Variants in ARFGEF2 observed in about 807,000 individuals in gnomAD.
ARFGEF2 encodes the protein ARF guanine nucleotide exchange factor 2, also known as brefeldin A-inhibited guanine nucleotide-exchange protein 2.
Under a neutral mutation model 219.9 loss-of-function variants are expected in ARFGEF2, and 74 were observed. That is an observed-to-expected ratio of 0.34 (90% CI 0.28 to 0.41). The LOEUF is 0.41. Ranked by LOEUF, ARFGEF2 falls within the 10% of genes least tolerant of loss-of-function variation. The probability of loss-of-function intolerance (pLI) is 1.00; values close to 1 mark genes in which losing one functional copy is unlikely to be tolerated. For missense variants in ARFGEF2, 1,743 were observed against 2,218.3 expected (o/e 0.79, Z 4.30); for synonymous variants, 733 against 799.2 (o/e 0.92, Z 1.40).
chr20:48,992,601 A>G (rs2091363219), intron 21 of ARFGEF2, among the ~76,000 whole-genome samples: 1 of 152,228 alleles, frequency 6.6e-6, no homozygotes, highest in South Asian at 2.1e-4. Context: ...CAGGGTGGTT[A>G]TGAAAATGAA....
intron 23 of ARFGEF2, among the ~76,000 whole-genome samples, chr20:48,997,456 A>G (rs1248757591): frequency 1.3e-5 from 2 of 152,148 alleles, no homozygotes; most frequent in Non-Finnish European, 2.9e-5. Context: ...TATTTTTAGT[A>G]GAGACAGGGT....
intron 21 of ARFGEF2, among the ~76,000 whole-genome samples, chr20:48,992,879 TA>T (rs931218012): frequency 1.9e-4 from 28 of 151,154 alleles, no homozygotes; most frequent in African/African-American, 5.8e-4. Flanking sequence ...CCCATATCTT[TA>T]AAAAAAAATT....
intron 5 of ARFGEF2, among the ~76,000 whole-genome samples, 174 bp from the exon 6 acceptor site, chr20:48,953,382 C>T (rs1271344727): frequency 6.6e-6 from 1 of 151,896 alleles, no homozygotes; most frequent in Non-Finnish European, 1.5e-5. Context: ...CACCATGTTG[C>T]CCAGGTTGGT....
At chr20:48,941,801 G>A in intron 2 of ARFGEF2, 63 bp from the exon 3 acceptor site, 1 of 1,611,774 alleles carries the variant, frequency 6.2e-7, no homozygotes, top group South Asian at 1.1e-5. Context: ...GATGGAATGG[G>A]AAGTTAGAGT....
At chr20:48,969,477 A>C (rs1000005486) in intron 9 of ARFGEF2, among the ~76,000 whole-genome samples, 200 bp downstream of exon 9, 4 of 152,196 alleles carry the variant, frequency 2.6e-5, no homozygotes, top group Non-Finnish European at 5.9e-5. Context: ...TATCCCCACC[A>C]ACCAAGATTT....
intron 36 of ARFGEF2, among the ~76,000 whole-genome samples, chr20:49,026,870 G>T (rs1323694701): frequency 7.9e-5 from 12 of 152,142 alleles, no homozygotes; most frequent in African/African-American, 2.9e-4. Flanking sequence ...ACAGGCATGA[G>T]CCACTGCACC....
chr20:48,988,687 C>A (rs772289018), intron 18 of ARFGEF2, 25 bp downstream of exon 18: 1 of 1,606,586 alleles, frequency 6.2e-7, no homozygotes, highest in Non-Finnish European at 8.5e-7. Flanking sequence ...CAAATTATTT[C>A]TTTTAGTTCT....
chr20:48,965,995 G>A lies in ARFGEF2; in HGVS notation c.1031G>A (p.Arg344Lys), dbSNP rs927935633. 2.5e-6 allele frequency: 4 copies of A among 1,614,014 alleles called. No homozygotes were observed. In the African/African-American group the frequency reaches 5.3e-5, roughly 22 times the overall value. Residue 344 changes from arginine to lysine, a missense_variant, in exon 8 of 39, where the codon AGG (arginine) becomes AAG (lysine). Physicochemically the swap from Arg to Lys is conservative, Grantham distance 26. Around this residue, in one of 5 missense-constraint regions of ARFGEF2, gnomAD observed 394 missense variants for 426.6 expected, o/e 0.92. Coordinates refer to ENST00000371917, the MANE Select transcript of ARFGEF2 (RefSeq NM_006420.3). ...NSQTNGIADD[R>K]QSLSSADNLE... The stretch of plus-strand genomic sequence containing the variant: ...CAGACCAACGGGATAGCCGATGACA[G>A]GCAGTCCTTGTCGTCAGCAGATAAT...
Position 48,960,292 on chromosome 20 carries a change from G to T in ARFGEF2, c.839-3538G>T, listed in dbSNP as rs572685667. Among the ~76,000 whole-genome samples the T allele has an allele frequency of 2.6e-5, 4 of 152,226 alleles. No homozygotes were observed. The South Asian group carries it at 8.3e-4, about 32-fold the overall frequency. ...GTATTTGAAAAAGTACAGTCACAAT[G>T]CAGTACAAAAGATAAAAACTGATAT... On this transcript the variant is annotated intron_variant, in intron 6 of 38. Transcript: ENST00000371917.
intron 3 of ARFGEF2, among the ~76,000 whole-genome samples, chr20:48,944,836 A>AAT (rs527322184): frequency 1.4e-3 from 215 of 152,258 alleles, no homozygotes; most frequent in Middle Eastern, 6.8e-3. Flanking sequence ...CCATGAGCCA[A>AAT]ATCTGGCCTA....
chr20:49,023,752 A>C (rs1188770180), intron 35 of ARFGEF2, among the ~76,000 whole-genome samples: 1 of 150,804 alleles, frequency 6.6e-6, no homozygotes, highest in Non-Finnish European at 1.5e-5. Flanking sequence ...GTTAGCCAGG[A>C]TGGTCTCGAT....
intron 6 of ARFGEF2, among the ~76,000 whole-genome samples, chr20:48,960,047 A>G (rs760720454): frequency 7.6e-4 from 116 of 152,352 alleles, no homozygotes; most frequent in South Asian, 3.5e-3. Context: ...ATTGCTTAAC[A>G]ACAGGGATAC....
At chr20:49,020,647 T>C (rs769354693) in intron 34 of ARFGEF2, among the ~76,000 whole-genome samples, 9 of 152,194 alleles carry the variant, frequency 5.9e-5, no homozygotes, top group Non-Finnish European at 1.2e-4. Flanking sequence ...GGTCTCACTT[T>C]GTTGCCCAGG....
chr20:48,955,615 A>G lies in ARFGEF2; in HGVS notation c.838+1825A>G, dbSNP rs374478730. ...AGTAACTTGAAGTTCTGCTCTAACA[A>G]AGAGAAAATAATTTGCTGTTAGCAT... is the stretch of plus-strand genomic sequence containing the variant. On this transcript the variant is annotated intron_variant, in intron 6 of 38. Transcript: ENST00000371917. Among the ~76,000 whole-genome samples, 16 of 152,312 alleles carry G rather than the reference A, an allele frequency of 1.1e-4. 1 individual carries two copies. Among genetic ancestry groups the G allele is most frequent in the South Asian group, 8.3e-4 (4 of 4,830 alleles).
chr20:48,982,381 C>T (rs1340359857), intron 14 of ARFGEF2, among the ~76,000 whole-genome samples: 1 of 152,154 alleles, frequency 6.6e-6, no homozygotes, highest in Admixed American at 6.5e-5. Context: ...GAAGCATCGT[C>T]CCAGAGGGGC....
intron 6 of ARFGEF2, among the ~76,000 whole-genome samples, chr20:48,960,649 A>G (rs1443259070): frequency 6.6e-6 from 1 of 151,386 alleles, no homozygotes; most frequent in Non-Finnish European, 1.5e-5. Context: ...ACACCTGGCT[A>G]ATTTTTGTAT....
rs1179998104 is a variant in ARFGEF2, at chr20:49,035,891, C to G, written c.*2692C>G. 3.1e-6 allele frequency: 1 copy of G among 325,312 alleles called. No individual in the cohort carries two copies. Among genetic ancestry groups the G allele is most frequent in the Admixed American group, 4.9e-5 (1 of 20,566 alleles). 20.2% of individuals were successfully genotyped at this position (325,312 alleles called of 1,614,324 possible). On this transcript the variant is annotated 3_prime_UTR_variant, in exon 39 of 39. Transcript: ENST00000371917. ...CTTTAGAGTCAAATATATCTTTTCC[C>G]TGTACTCCTCATGTACAACCAAAGA...
chr20:48,989,309 G>A lies in ARFGEF2; in HGVS notation c.2558G>A (p.Arg853Gln), dbSNP rs141183045. ...GATGTAGCTAGTGAAAAGCAGCGGC[G>A]GCTGCTGTACAACTTAGAGATGGAG... ...KQNVASEKQRRLLYNLEMEQM... is the reference protein window; with the variant it reads ...KQNVASEKQRQLLYNLEMEQM... Residue 853 changes from arginine to glutamine, a missense_variant, in exon 19 of 39, where the codon CGG becomes CAG. By Grantham distance (43) the Arg-to-Gln change is conservative. Around this residue, in one of 5 missense-constraint regions of ARFGEF2, gnomAD observed 666 missense variants for 955.4 expected, o/e 0.70. Transcript: ENST00000371917. 127 of 1,613,990 alleles carry A rather than the reference G, an allele frequency of 7.9e-5. No homozygotes were observed. The highest frequency in any genetic ancestry group is 9.7e-5 in the Non-Finnish European group (114 of 1,179,994).
At chr20:48,941,734 C>G (rs1482511771) in intron 2 of ARFGEF2, 130 bp from the exon 3 acceptor site, 17 of 1,407,748 alleles carry the variant, frequency 1.2e-5, no homozygotes, top group Non-Finnish European at 1.6e-5. Context: ...ATGTATTCAA[C>G]TTTTAATGCC....
Sources: gnomAD v4.1 joint callset for allele counts (sites outside exome capture counted in the v4.1 genomes callset) on GRCh38, gnomAD v4.1.1 for gene constraint, gnomAD v4.1.1 regional missense constraint, MANE v1.5 for transcripts, NCBI Gene and HGNC (gene_info 2026-07-23, HGNC 2026-07-21) for gene names.